UGGT2: variants seen among roughly 807,000 people sequenced by gnomAD.
UGGT2 encodes the protein UDP-glucose:glycoprotein glucosyltransferase 2.
In UGGT2, 180 loss-of-function variants were observed where a neutral mutation model predicts 192.1. The ratio of observed to expected loss-of-function variants is 0.94; its 90% CI spans 0.83 to 1.06. The LOEUF is 1.06. Among genes scored for constraint, UGGT2 ranks in the 50% least tolerant of loss-of-function variants. The pLI, the probability that UGGT2 is intolerant of heterozygous loss-of-function variation, is 0.00. For synonymous variants in UGGT2, 580 were observed against 591.0 expected (o/e 0.98, Z 0.27); for missense variants, 1,849 against 1,795.7 (o/e 1.03, Z -0.54).
At chr13:95,983,951 T>C (rs923060741) in intron 9 of UGGT2, 87 bp from the exon 10 acceptor site, 9 of 858,238 alleles carry the variant, frequency 1.0e-5, no homozygotes, top group African/African-American at 1.8e-5. Flanking sequence ...ATACTTTGGA[T>C]AAGAAGCTAA....
rs1233705537 is a variant in UGGT2, at chr13:95,947,096, C to G, written c.1618G>C (p.Ala540Pro). The change falls in exon 15 of 39, where the codon GCT becomes CCT. Residue 540 changes from alanine to proline, a missense_variant. Coordinates refer to ENST00000376747, the MANE Select transcript of UGGT2 (RefSeq NM_020121.4). ...ANDAGVALWRAFNYIAEEFDI... is the reference protein window; with the variant it reads ...ANDAGVALWRPFNYIAEEFDI... ...AATTCTTCTGCAATATAGTTGAAAG[C>G]TCGCCAGAGAGCAACTCCAGCATCA... is the stretch of plus-strand genomic sequence containing the variant. The G allele has an allele frequency of 6.2e-7, 1 of 1,611,922 alleles. No homozygotes were observed. Among genetic ancestry groups the G allele is most frequent in the East Asian group, 2.2e-5 (1 of 44,766 alleles).
intron 38 of UGGT2, among the ~76,000 whole-genome samples, chr13:95,821,366 G>T (rs534440763): frequency 6.6e-6 from 1 of 151,990 alleles, no homozygotes; most frequent in Non-Finnish European, 1.5e-5. Context: ...TTTCATGTTT[G>T]TTGGCCATTT....
chr13:95,833,525 A>C (rs1243577412), intron 37 of UGGT2, among the ~76,000 whole-genome samples: 1 of 152,142 alleles, frequency 6.6e-6, no homozygotes, highest in African/African-American at 2.4e-5. Flanking sequence ...AATTTATTCA[A>C]CTGCAAAAGA....
intron 25 of UGGT2, among the ~76,000 whole-genome samples, chr13:95,888,478 A>T (rs1170762238): frequency 9.2e-5 from 14 of 152,234 alleles, no homozygotes; most frequent in East Asian, 1.9e-4. Context: ...CATAGGCAAC[A>T]TGTCAGTGAA....
intron 17 of UGGT2, among the ~76,000 whole-genome samples, chr13:95,928,748 T>C (rs1347604694): frequency 6.6e-6 from 1 of 150,800 alleles, no homozygotes; most frequent in East Asian, 2.0e-4. Flanking sequence ...ACATCCCAGA[T>C]GATGTGCGGC....
chr13:95,894,489 T>C (rs1418529980), intron 24 of UGGT2, 73 bp downstream of exon 24: 13 of 1,235,808 alleles, frequency 1.1e-5, no homozygotes, highest in Non-Finnish European at 1.5e-5. Flanking sequence ...AATTTTACCA[T>C]GTTATGAAAA....
At chr13:95,830,892 T>G (rs1222970198) in intron 38 of UGGT2, among the ~76,000 whole-genome samples, 2 of 152,114 alleles carry the variant, frequency 1.3e-5, no homozygotes, top group African/African-American at 2.4e-5. Flanking sequence ...TGTCCAAAAA[T>G]GATAGACTGG....
chr13:95,944,222 G>A (rs542468656), intron 15 of UGGT2, among the ~76,000 whole-genome samples: 3 of 151,878 alleles, frequency 2.0e-5, no homozygotes. Context: ...TTCTCTTCTT[G>A]TCAGGCTTTG....
chr13:95,814,321 G>A (rs894559286), intron 38 of UGGT2, among the ~76,000 whole-genome samples: 7 of 152,234 alleles, frequency 4.6e-5, no homozygotes, highest in African/African-American at 1.7e-4. Context: ...GGCCACAGGG[G>A]TGGAACTGCT....
intron 38 of UGGT2, among the ~76,000 whole-genome samples, chr13:95,803,532 T>G (rs1884164783): frequency 6.6e-6 from 1 of 152,228 alleles, no homozygotes; most frequent in Non-Finnish European, 1.5e-5. Context: ...AGTGCTGGGA[T>G]TACAGGTGTG....
intron 38 of UGGT2, among the ~76,000 whole-genome samples, chr13:95,807,715 C>CTTTTTTTTTTTTTTT (rs200081851): frequency 1.2e-4 from 6 of 48,040 alleles, no homozygotes; most frequent in Non-Finnish European, 2.1e-4. Context: ...TCAGCCCTCA[C>CTTTTTTTTTTTTTTT]CTTTTTTTTT....
At chr13:95,875,025 A>ATC (rs1448903930) in intron 29 of UGGT2, among the ~76,000 whole-genome samples, 2 of 152,146 alleles carry the variant, frequency 1.3e-5, no homozygotes, top group African/African-American at 2.4e-5. Context: ...GAACTGTCCA[A>ATC]TTGTTCAAAA....
rs1379699103 is a variant in UGGT2 at position 95,884,478 on chromosome 13, C to A, written c.3228+13G>T. On this transcript the variant is annotated intron_variant, in intron 27 of 38. Coordinates refer to ENST00000376747, the MANE Select transcript of UGGT2 (RefSeq NM_020121.4). ...GTTTCTCTCTCTTTATATGACTATA[C>A]ACAATAACTTACATCCTTTAAGTGA... is the stretch of plus-strand genomic sequence containing the variant. 2 of 1,594,552 alleles carry A rather than the reference C, an allele frequency of 1.3e-6. No individual in the cohort carries two copies. Among genetic ancestry groups the A allele is most frequent in the Admixed American group, 1.7e-5 (1 of 57,558 alleles).
intron 12 of UGGT2, among the ~76,000 whole-genome samples, chr13:95,967,871 T>C (rs2050639361): frequency 6.6e-6 from 1 of 152,204 alleles, no homozygotes; most frequent in African/African-American, 2.4e-5. Flanking sequence ...GTGGTTATTA[T>C]TAGGGTATTT....
chr13:96,051,403 C>G (rs1433838743), intron 1 of UGGT2, among the ~76,000 whole-genome samples: 1 of 152,096 alleles, frequency 6.6e-6, no homozygotes, highest in Non-Finnish European at 1.5e-5. Flanking sequence ...GGGTGCAGCA[C>G]ACCAACATGG....
chr13:95,819,359 A>G (rs1409964554), intron 38 of UGGT2, among the ~76,000 whole-genome samples: 2 of 152,024 alleles, frequency 1.3e-5, no homozygotes, highest in Non-Finnish European at 1.5e-5. Context: ...TAGACTGTCT[A>G]ACATTTATTT....
chr13:95,809,528 G>T (rs905682233), intron 38 of UGGT2: 3 of 347,982 alleles, frequency 8.6e-6, no homozygotes, highest in Non-Finnish European at 1.1e-5. Context: ...GCAGGGGCAG[G>T]TTTAGCTGAC....
At chr13:95,894,477 T>C in intron 24 of UGGT2, 85 bp downstream of exon 24, 1 of 1,130,296 alleles carries the variant, frequency 8.8e-7, no homozygotes, top group South Asian at 1.4e-5. Context: ...AATTCTACCT[T>C]AAATTTTACC....
At chr13:95,995,881 T>C in intron 7 of UGGT2, 182 bp downstream of exon 7, 1 of 581,812 alleles carries the variant, frequency 1.7e-6, no homozygotes, top group Non-Finnish European at 3.0e-6. Flanking sequence ...TTTTCTGCTT[T>C]CTGTAGCTTT....
Sources: gnomAD v4.1 joint callset for allele counts (sites outside exome capture counted in the v4.1 genomes callset) on GRCh38, gnomAD v4.1.1 for gene constraint, MANE v1.5 for transcripts, NCBI Gene and HGNC (gene_info 2026-07-23, HGNC 2026-07-21) for gene names.